The following SLX4IP variants were observed in gnomAD, a reference collection of about 807,000 sequenced individuals.
SLX4IP encodes the protein protein SLX4IP.
SLX4IP carries 34 observed loss-of-function variants against 32.9 expected under a neutral mutation model. That is an observed-to-expected ratio of 1.03 (90% CI 0.79 to 1.38). The LOEUF is 1.38. Ranked by LOEUF, SLX4IP falls within the 40% of genes most tolerant of loss-of-function variation. The pLI is 0.00. For synonymous variants in SLX4IP, 172 were observed against 171.7 expected, an observed-to-expected ratio of 1.00 and a Z score of -0.01; for missense variants, 444 against 479.0, an observed-to-expected ratio of 0.93 and a Z score of 0.68.
intron 2 of SLX4IP, among the ~76,000 whole-genome samples, chr20:10,462,137 T>C (rs1187712420): frequency 6.6e-6 from 1 of 151,924 alleles, no homozygotes; most frequent in Non-Finnish European, 1.5e-5. Context: ...CAAGGAACAC[T>C]GCCCAGAAAG....
chr20:10,464,105 T>A (rs1398192152), intron 2 of SLX4IP, among the ~76,000 whole-genome samples: 2 of 152,118 alleles, frequency 1.3e-5, no homozygotes, highest in Non-Finnish European at 2.9e-5. Context: ...AAAAGCTAAG[T>A]TTCAGTGTGG....
At chr20:10,607,321 C>T (rs2066916447) in intron 6 of SLX4IP, among the ~76,000 whole-genome samples, 1 of 152,128 alleles carries the variant, frequency 6.6e-6, no homozygotes, top group Admixed American at 6.5e-5. Context: ...TGAGCTGTGG[C>T]CAAAATAGCC....
At chr20:10,616,138 C>T (rs1055145990) in intron 6 of SLX4IP, among the ~76,000 whole-genome samples, 1 of 152,072 alleles carries the variant, frequency 6.6e-6, no homozygotes, top group African/African-American at 2.4e-5. Context: ...CAAAGATTGT[C>T]GAGTCACCAA....
intron 6 of SLX4IP, among the ~76,000 whole-genome samples, chr20:10,612,497 T>C (rs867746680): frequency 6.6e-6 from 1 of 152,218 alleles, no homozygotes; most frequent in Admixed American, 6.5e-5. Context: ...GACTATGTTT[T>C]GTAATATTCT....
At position 10,623,746 on chromosome 20, in the gene SLX4IP, A is replaced by C. The variant is rs1484811104; in HGVS notation, c.*367A>C. ...AGACCACACAATGGACCGTGCAAAG[A>C]CAGTGCTGCCGTGCTGCCTTTCAGC... On this transcript the variant is annotated 3_prime_UTR_variant, in exon 8 of 8. Transcript: ENST00000334534. 4.9e-6 allele frequency: 1 copy of C among 205,770 alleles called. No homozygotes were observed. The highest frequency in any genetic ancestry group is 9.9e-6 in the Non-Finnish European group (1 of 101,068). The allele number at this position is 205,770 out of a possible 1,614,324, so 12.7% of individuals were successfully genotyped here. A position where few individuals can be genotyped will look rare whatever the true frequency, so the allele number is the denominator to read the frequency against.
intron 4 of SLX4IP, among the ~76,000 whole-genome samples, chr20:10,571,558 G>A (rs530665891): frequency 1.3e-5 from 2 of 152,276 alleles, no homozygotes; most frequent in East Asian, 1.9e-4. Context: ...ATCTGATTCT[G>A]TGTAGCTTCT....
chr20:10,615,795 C>T (rs898603149), intron 6 of SLX4IP, among the ~76,000 whole-genome samples: 22 of 152,188 alleles, frequency 1.4e-4, no homozygotes, highest in African/African-American at 5.1e-4. Context: ...GTCCCTGCCT[C>T]CAAGATGATG....
chr20:10,553,128 C>G (rs1009084917), intron 2 of SLX4IP, among the ~76,000 whole-genome samples: 1 of 152,002 alleles, frequency 6.6e-6, no homozygotes, highest in Non-Finnish European at 1.5e-5. Flanking sequence ...TTTAGTTTTC[C>G]TTTTTATTAT....
chr20:10,446,698 T>G (rs1953770400), intron 1 of SLX4IP, among the ~76,000 whole-genome samples: 1 of 152,216 alleles, frequency 6.6e-6, no homozygotes. Context: ...TGGTTTTATT[T>G]TACATTTTCC....
At chr20:10,550,957 T>C (rs116291706) in intron 2 of SLX4IP, among the ~76,000 whole-genome samples, 1,641 of 152,308 alleles carry the variant, frequency 0.011, 32 homozygotes, top group African/African-American at 0.037. Context: ...AGGGCCTGGC[T>C]AGTGCCCCTG....
chr20:10,539,467 G>A (rs891020834), intron 2 of SLX4IP, among the ~76,000 whole-genome samples: 1 of 151,886 alleles, frequency 6.6e-6, no homozygotes, highest in African/African-American at 2.4e-5. Flanking sequence ...ACATTTGCAG[G>A]TGCAAAGAAG....
chr20:10,576,149 TG>T (rs2066520693), intron 4 of SLX4IP, among the ~76,000 whole-genome samples: 1 of 152,238 alleles, frequency 6.6e-6, no homozygotes, highest in African/African-American at 2.4e-5. Flanking sequence ...TGAAGTTTTA[TG>T]GTTACTAAAT....
chr20:10,584,335 C>T (rs1462327240), intron 4 of SLX4IP, among the ~76,000 whole-genome samples: 2 of 152,198 alleles, frequency 1.3e-5, no homozygotes, highest in Non-Finnish European at 2.9e-5. Flanking sequence ...CTTGCCTCTT[C>T]ACTGTTGCTA....
In SLX4IP at chr20:10,627,829, T is replaced by A. The variant is rs1199462970; in HGVS notation, c.*4450T>A. 1.3e-4 allele frequency: 20 copies of A among 152,186 alleles called. No individual in the cohort carries two copies. Among genetic ancestry groups the A allele is most frequent in the Non-Finnish European group, 2.9e-4 (20 of 68,022 alleles). 9.4% of individuals were successfully genotyped at this position (152,186 alleles called of 1,614,324 possible). A position where few individuals can be genotyped will look rare whatever the true frequency, so the allele number is the denominator to read the frequency against. ...GAACAGAAGGTGTGAATTGGACAGA[T>A]CCCCCGAATAACTTTCTTCAATCAA... On this transcript the variant is annotated 3_prime_UTR_variant, in exon 8 of 8. Coordinates refer to ENST00000334534, the MANE Select transcript of SLX4IP (RefSeq NM_001009608.3).
intron 2 of SLX4IP, among the ~76,000 whole-genome samples, chr20:10,505,455 A>G (rs1444917439): frequency 6.6e-6 from 1 of 152,194 alleles, no homozygotes; most frequent in Non-Finnish European, 1.5e-5. Context: ...GAGACAGGGC[A>G]TGTCTTCTTT....
intron 6 of SLX4IP, among the ~76,000 whole-genome samples, chr20:10,608,513 A>G (rs1195925141): frequency 1.4e-5 from 2 of 143,826 alleles, no homozygotes; most frequent in East Asian, 2.0e-4. Flanking sequence ...AAAATACAGG[A>G]AAAAAAAAAA....
At chr20:10,493,859 C>CTTTTTTTTTTTTTTTTTT (rs58299545) in intron 2 of SLX4IP, among the ~76,000 whole-genome samples, 1 of 70,544 alleles carries the variant, frequency 1.4e-5, no homozygotes, top group Non-Finnish European at 2.6e-5. Context: ...TTATAGTTGC[C>CTTTTTTTTTTTTTTTTTT]TTTTTTTTTT....
intron 2 of SLX4IP, among the ~76,000 whole-genome samples, chr20:10,495,029 T>G (rs1486122427): frequency 6.6e-6 from 1 of 152,170 alleles, no homozygotes; most frequent in Non-Finnish European, 1.5e-5. Flanking sequence ...ATATGTTAAT[T>G]AGCTTGTTTA....
At chr20:10,557,842 A>G (rs542119737) in intron 3 of SLX4IP, among the ~76,000 whole-genome samples, 9 of 152,282 alleles carry the variant, frequency 5.9e-5, no homozygotes, top group African/African-American at 2.2e-4. Flanking sequence ...TTGTTTTTTT[A>G]GGAGCCACAT....
Sources: gnomAD v4.1 joint callset for allele counts (sites outside exome capture counted in the v4.1 genomes callset) on GRCh38, gnomAD v4.1.1 for gene constraint, MANE v1.5 for transcripts, NCBI Gene and HGNC (gene_info 2026-07-23, HGNC 2026-07-21) for gene names.